TMEM63C: variants seen among roughly 807,000 people sequenced by gnomAD.
TMEM63C encodes the protein osmosensitive cation channel TMEM63C.
A neutral mutation model predicts 99.2 loss-of-function variants in TMEM63C; 32 were observed. That is an observed-to-expected ratio of 0.32 (90% confidence interval 0.24 to 0.43). The LOEUF is 0.43. Among genes scored for constraint, TMEM63C ranks in the 20% least tolerant of loss-of-function variants. TMEM63C has a pLI of 1.00. For missense variants in TMEM63C, 826 were observed against 1,053.0 expected (o/e 0.78, Z 2.98); for synonymous variants, 376 against 397.9 (o/e 0.94, Z 0.66).
At chr14:77,216,275 G>C (rs1250374388) in intron 2 of TMEM63C, among the ~76,000 whole-genome samples, 1 of 152,102 alleles carries the variant, frequency 6.6e-6, no homozygotes, top group East Asian at 1.9e-4. Context: ...CTTCCTCACT[G>C]GCTGCTACTT....
At chr14:77,224,113 G>A (rs1888774241) in intron 5 of TMEM63C, among the ~76,000 whole-genome samples, 1 of 152,018 alleles carries the variant, frequency 6.6e-6, no homozygotes, top group Non-Finnish European at 1.5e-5. Flanking sequence ...ATGTCCTGCT[G>A]TGAACACCCT....
chr14:77,253,893 C>T (rs1349163623), intron 23 of TMEM63C, among the ~76,000 whole-genome samples: 1 of 152,212 alleles, frequency 6.6e-6, no homozygotes, highest in Admixed American at 6.5e-5. Flanking sequence ...CTGTCTCTCA[C>T]ACAGTGGCTC....
chr14:77,217,464 G>A (rs1170126843), intron 2 of TMEM63C, among the ~76,000 whole-genome samples: 4 of 152,190 alleles, frequency 2.6e-5, no homozygotes, highest in African/African-American at 9.7e-5. Context: ...GTTCACTGGT[G>A]CATTTGTCTA....
intron 1 of TMEM63C, among the ~76,000 whole-genome samples, chr14:77,212,504 C>T (rs1888510550): frequency 6.6e-6 from 1 of 152,244 alleles, no homozygotes; most frequent in Non-Finnish European, 1.5e-5. Context: ...TAGCTTCATT[C>T]TTTCCAGTGC....
Position 77,256,700 on chromosome 14 carries a change from C to A in TMEM63C, c.2395C>A (p.Leu799Met), listed in dbSNP as rs144586609. ...DSAQFQEGLE[L>M]EGQNQYH ...GGCCCAGTTCCAGGAAGGGCTGGAA[C>A]TGGAGGGCCAGAACCAGTACCACTG... The change falls in exon 24 of 24, where the codon CTG (leucine) becomes ATG (methionine). Residue 799 changes from leucine to methionine, a missense_variant. Leu to Met is a conservative substitution (Grantham distance 15). Transcript: ENST00000298351. 637 of 1,613,938 alleles carry A rather than the reference C, an allele frequency of 3.9e-4. 2 individuals are homozygous for A. The African/African-American group carries it at 8.0e-3, about 20-fold the overall frequency.
At chr14:77,219,950 G>T in intron 4 of TMEM63C, 56 bp from the exon 5 acceptor site, 2 of 1,505,802 alleles carry the variant, frequency 1.3e-6, no homozygotes, top group Non-Finnish European at 1.8e-6. Context: ...AGCAGGGCAG[G>T]CAGCTGAGAA....
intron 13 of TMEM63C, among the ~76,000 whole-genome samples, chr14:77,240,943 T>C (rs1889161622): frequency 1.4e-5 from 1 of 69,928 alleles, no homozygotes. Context: ...TTTTTTTTTT[T>C]TTTCTTTTTT....
At chr14:77,236,922 ACCTCTCACCCTTCTCCAC>A (rs1889071607) in intron 9 of TMEM63C, among the ~76,000 whole-genome samples, 190 bp downstream of exon 9, 1 of 149,288 alleles carries the variant, frequency 6.7e-6, no homozygotes, top group Non-Finnish European at 1.5e-5. Context: ...CCTGGCCCCC[ACCTCTCACCCTTCTCCAC>A]CCTCTCACCC....
rs576360430 is a variant in TMEM63C at position 77,248,911 on chromosome 14, C to T, written c.1870+39C>T. Reference sequence around the variant, plus strand: ...AAGGCATGCCCAAGGGCTGCACATCCGCAGATGGGGAGGAGGAATTGAGCC... The same window carrying T: ...AAGGCATGCCCAAGGGCTGCACATCTGCAGATGGGGAGGAGGAATTGAGCC... On this transcript the variant is annotated intron_variant, in intron 20 of 23. Coordinates refer to ENST00000298351, the MANE Select transcript of TMEM63C (RefSeq NM_020431.4). 49 of 1,527,450 alleles carry T rather than the reference C, an allele frequency of 3.2e-5. 1 individual carries two copies. Among genetic ancestry groups the T allele is most frequent in the South Asian group, 3.1e-4 (28 of 89,308 alleles). 94.6% of individuals were successfully genotyped at this position (1,527,450 alleles called of 1,614,324 possible). A position where few individuals can be genotyped will look rare whatever the true frequency, so the allele number is the denominator to read the frequency against.
intron 9 of TMEM63C, among the ~76,000 whole-genome samples, chr14:77,237,323 G>A (rs1166542330): frequency 6.6e-6 from 1 of 152,084 alleles, no homozygotes; most frequent in Non-Finnish European, 1.5e-5. Flanking sequence ...GTCTCTCGGA[G>A]ATCAGAGACC....
Position 77,236,645 on chromosome 14 carries a change from T to G in TMEM63C, c.564T>G (p.His188Gln). 1 of 1,612,598 alleles carries G rather than the reference T, an allele frequency of 6.2e-7. No individual in the cohort carries two copies. Among genetic ancestry groups the G allele is most frequent in the Non-Finnish European group, 8.5e-7 (1 of 1,179,240 alleles). Residue 188 changes from histidine (H) to glutamine (Q), a missense_variant, in exon 9 of 24, where the codon CAT becomes CAG. Physicochemically the swap from His to Gln is conservative, Grantham distance 24 (BLOSUM62 0). Coordinates refer to ENST00000298351, the MANE Select transcript of TMEM63C (RefSeq NM_020431.4). ...GCAGGAGCAAGCTCCTGTGGCTGCA[T>G]AGCCTGCTGTCCTTCTTCTACTTCA... Reference protein sequence around the residue: ...VSTESKLLWLHSLLSFFYFIT... With the variant: ...VSTESKLLWLQSLLSFFYFIT...
Position 77,215,614 on chromosome 14 carries a change from A to AGAAAAG in TMEM63C, c.-14+2106_-14+2107insGAAAAG, listed in dbSNP as rs1555347249. On this transcript the variant is annotated intron_variant, in intron 2 of 23. Transcript: ENST00000298351. ...AGACTCTGTCTCAAAAAAAAAAAAA[A>AGAAAAG]AAAAGAAAAGAAAAGAAAAAGAAAC... 7.8e-5 allele frequency among the ~76,000 whole-genome samples: 6 copies of AGAAAAG among 76,550 alleles called. No individual in the cohort carries two copies. The East Asian group carries it at 1.8e-3, about 23-fold the overall frequency. 50.2% of individuals were successfully genotyped at this position (76,550 alleles called of 152,430 possible).
At chr14:77,213,765 A>G (rs1347779466) in intron 2 of TMEM63C, 3 of 143,490 alleles carry the variant, frequency 2.1e-5, no homozygotes, top group African/African-American at 7.8e-5. Context: ...GTAAACTATT[A>G]TGAGTTTGCA....
intron 2 of TMEM63C, among the ~76,000 whole-genome samples, chr14:77,217,663 T>C (rs1213846163): frequency 6.6e-6 from 1 of 152,224 alleles, no homozygotes; most frequent in East Asian, 1.9e-4. Context: ...CATTTTCACC[T>C]GCCCTTCCCA....
chr14:77,251,958 G>A, intron 22 of TMEM63C, 60 bp downstream of exon 22: 1 of 1,356,816 alleles, frequency 7.4e-7, no homozygotes, highest in Non-Finnish European at 1.1e-6. Context: ...CACAGCTGTA[G>A]GATACTCTCC....
At chr14:77,193,569 T>C (rs1888145620) in intron 1 of TMEM63C, among the ~76,000 whole-genome samples, 1 of 152,136 alleles carries the variant, frequency 6.6e-6, no homozygotes, top group African/African-American at 2.4e-5. Flanking sequence ...GTGAGGTGGC[T>C]CACGCCTGTA....
intron 12 of TMEM63C, 62 bp from the exon 13 acceptor site, chr14:77,240,413 C>G: frequency 6.5e-7 from 1 of 1,536,346 alleles, no homozygotes; most frequent in South Asian, 1.2e-5. Context: ...GGAGGAACCT[C>G]GTGACCAGGG....
chr14:77,248,757 T>C lies in TMEM63C; in HGVS notation c.1765-10T>C, dbSNP rs1441312688. On this transcript the variant is annotated splice_polypyrimidine_tract_variant and intron_variant, in intron 19 of 23. Coordinates refer to ENST00000298351, the MANE Select transcript of TMEM63C (RefSeq NM_020431.4). ...GGCCACCTCAGGGTGACACCTGCCT[T>C]CTGCCCCAGAACCAGGCCATAGACT... 2 of 1,613,448 alleles carry C rather than the reference T, an allele frequency of 1.2e-6. No homozygotes were observed. Among genetic ancestry groups the C allele is most frequent in the Non-Finnish European group, 1.7e-6 (2 of 1,179,358 alleles).
intron 7 of TMEM63C, among the ~76,000 whole-genome samples, chr14:77,232,803 A>G (rs1209844179): frequency 2.0e-5 from 3 of 152,186 alleles, no homozygotes; most frequent in African/African-American, 7.2e-5. Flanking sequence ...GCAGAATAGC[A>G]CCGTAAATGC....
Sources: gnomAD v4.1 joint callset for allele counts (sites outside exome capture counted in the v4.1 genomes callset) on GRCh38, gnomAD v4.1.1 for gene constraint, MANE v1.5 for transcripts, NCBI Gene and HGNC (gene_info 2026-07-23, HGNC 2026-07-21) for gene names.